Variants in EPB41L3 observed in about 807,000 individuals in gnomAD.
EPB41L3 encodes the protein band 4.1-like protein 3.
EPB41L3 carries 57 observed loss-of-function variants against 127.1 expected under a neutral mutation model. The ratio of observed to expected loss-of-function variants is 0.45; its 90% CI spans 0.36 to 0.56. The LOEUF is 0.56. EPB41L3 is among the 20% of genes least tolerant of loss of function. EPB41L3 has a pLI of 0.00. For synonymous variants in EPB41L3, 572 were observed against 549.5 expected (o/e 1.04, Z -0.57); for missense variants, 1,273 against 1,372.2 (o/e 0.93, Z 1.14).
intron 3 of EPB41L3, among the ~76,000 whole-genome samples, chr18:5,573,913 CTT>C (rs749608391): frequency 4.7e-4 from 67 of 141,424 alleles, no homozygotes; most frequent in African/African-American, 1.4e-3. Flanking sequence ...ATATATATAC[CTT>C]TTTTTTTTTT....
chr18:5,445,752 G>A (rs986281391), intron 3 of EPB41L3, among the ~76,000 whole-genome samples: 3 of 152,210 alleles, frequency 2.0e-5, no homozygotes, highest in Non-Finnish European at 4.4e-5. Flanking sequence ...GGTGGCAGGC[G>A]AGCAAGCATT....
chr18:5,416,092 G>C lies in EPB41L3; in HGVS notation c.1793C>G (p.Ser598Cys), dbSNP rs1308617532. ...FSLQLPESFP[S>C]LLDDDGYLSF... ...GAGGTATCCATCATCATCTAGGAGG[G>C]AGGGGAATGACTCAGGGAGCTGCAA... The change falls in exon 13 of 23, where the codon TCC (serine) becomes TGC (cysteine). Residue 598 changes from serine (S) to cysteine (C), a missense_variant. Around this residue, in one of 3 missense-constraint regions of EPB41L3, gnomAD observed 765 missense variants for 782.9 expected, o/e 0.98. Coordinates refer to ENST00000341928, the MANE Select transcript of EPB41L3 (RefSeq NM_012307.5). 6.2e-7 allele frequency: 1 copy of C among 1,612,492 alleles called. No homozygotes were observed. The highest frequency in any genetic ancestry group is 8.5e-7 in the Non-Finnish European group (1 of 1,178,994).
intron 1 of EPB41L3, among the ~76,000 whole-genome samples, chr18:5,523,613 C>G (rs1388584595): frequency 6.6e-6 from 1 of 151,960 alleles, no homozygotes; most frequent in Non-Finnish European, 1.5e-5. Flanking sequence ...TGGAGAAACC[C>G]CATCTCTACT....
intron 2 of EPB41L3, among the ~76,000 whole-genome samples, chr18:5,488,407 C>A (rs1465670252): frequency 6.6e-6 from 1 of 151,604 alleles, no homozygotes; most frequent in Non-Finnish European, 1.5e-5. Flanking sequence ...CACACTGGGG[C>A]CTGTCGGGGA....
chr18:5,395,820 A>AT (rs1469398800), intron 19 of EPB41L3, 113 bp from the exon 20 acceptor site: 5 of 785,288 alleles, frequency 6.4e-6, no homozygotes, highest in Admixed American at 4.1e-5. Flanking sequence ...TTATGCAATC[A>AT]TTATGCTCTT....
Position 5,393,399 on chromosome 18 carries a change from G to C in EPB41L3, c.*86C>G. The C allele has an allele frequency of 4.4e-6, 3 of 683,940 alleles. No individual in the cohort carries two copies. In the South Asian group the frequency reaches 4.7e-5, roughly 11 times the overall value. 42.4% of individuals were successfully genotyped at this position (683,940 alleles called of 1,614,324 possible). A position where few individuals can be genotyped will look rare whatever the true frequency, so the allele number is the denominator to read the frequency against. On this transcript the variant is annotated 3_prime_UTR_variant, in exon 23 of 23. Coordinates refer to ENST00000341928, the MANE Select transcript of EPB41L3 (RefSeq NM_012307.5). ...CCACGGACAGATACAAGTCAGTTGG[G>C]TTAGAAGAGGGAACTCCATATAGGC...
chr18:5,605,963 G>T (rs1298199578), intron 3 of EPB41L3, among the ~76,000 whole-genome samples: 2 of 152,148 alleles, frequency 1.3e-5, no homozygotes, highest in Non-Finnish European at 2.9e-5. Context: ...AATCACAGAT[G>T]CTTGAGGCTT....
intron 1 of EPB41L3, among the ~76,000 whole-genome samples, chr18:5,528,078 T>C (rs764409678): frequency 2.6e-5 from 4 of 152,188 alleles, no homozygotes; most frequent in African/African-American, 4.8e-5. Flanking sequence ...CGTATGGTTA[T>C]GAGAAACACA....
At chr18:5,472,859 T>C (rs947320550) in intron 3 of EPB41L3, among the ~76,000 whole-genome samples, 3 of 152,176 alleles carry the variant, frequency 2.0e-5, no homozygotes, top group Non-Finnish European at 4.4e-5. Context: ...TACTGACCAA[T>C]AGTTAGAAGG....
intron 3 of EPB41L3, among the ~76,000 whole-genome samples, chr18:5,476,632 A>C (rs63286760): frequency 0.63 from 96,089 of 151,462 alleles, 30,938 homozygotes; most frequent in East Asian, 0.8. Context: ...TAAATGCAAA[A>C]AATAGAAAGA....
chr18:5,591,419 T>C (rs2094484870), intron 3 of EPB41L3, among the ~76,000 whole-genome samples: 1 of 152,162 alleles, frequency 6.6e-6, no homozygotes, highest in South Asian at 2.1e-4. Flanking sequence ...CCACATACAG[T>C]GCAAGGGGTG....
chr18:5,400,578 T>A, intron 16 of EPB41L3: 1 of 459,176 alleles, frequency 2.2e-6, no homozygotes, highest in Non-Finnish European at 4.4e-6. Flanking sequence ...CTTCCTGCAT[T>A]TTCTTTATCA....
intron 1 of EPB41L3, among the ~76,000 whole-genome samples, chr18:5,538,199 A>G (rs1250279777): frequency 1.3e-5 from 2 of 152,228 alleles, no homozygotes; most frequent in Non-Finnish European, 2.9e-5. Context: ...TTACATATTC[A>G]GAATCCAACT....
At chr18:5,452,068 T>G in intron 3 of EPB41L3, among the ~76,000 whole-genome samples, 1 of 152,102 alleles carries the variant, frequency 6.6e-6, no homozygotes. Context: ...TCACTCGAAC[T>G]CCCTGACCTC....
chr18:5,573,992 C>G (rs1008317593), intron 3 of EPB41L3, among the ~76,000 whole-genome samples: 6 of 151,156 alleles, frequency 4.0e-5, no homozygotes, highest in Non-Finnish European at 7.4e-5. Flanking sequence ...CTCACTGCAA[C>G]CTCCACCTCC....
chr18:5,441,443 G>A (rs1027471183), intron 5 of EPB41L3, among the ~76,000 whole-genome samples: 1 of 150,742 alleles, frequency 6.6e-6, no homozygotes, highest in Admixed American at 6.7e-5. Context: ...AAGAATACAG[G>A]TAAAAATATC....
intron 14 of EPB41L3, among the ~76,000 whole-genome samples, chr18:5,408,013 G>A (rs1406428262): frequency 6.6e-6 from 1 of 152,222 alleles, no homozygotes; most frequent in Non-Finnish European, 1.5e-5. Flanking sequence ...CAGCAAGGGT[G>A]TGGCAGGTTG....
At chr18:5,459,098 C>A (rs1568269347) in intron 3 of EPB41L3, among the ~76,000 whole-genome samples, 1 of 152,132 alleles carries the variant, frequency 6.6e-6, no homozygotes, top group Non-Finnish European at 1.5e-5. Flanking sequence ...CCTCACCTCT[C>A]AGGAGAAGAT....
chr18:5,606,890 CTCTCT>C, intron 3 of EPB41L3, among the ~76,000 whole-genome samples: 1 of 147,120 alleles, frequency 6.8e-6, no homozygotes, highest in Non-Finnish European at 1.5e-5. Flanking sequence ...CATTCTCTCT[CTCTCT>C]CTCTCTCTCT....
Sources: gnomAD v4.1 joint callset for allele counts (sites outside exome capture counted in the v4.1 genomes callset) on GRCh38, gnomAD v4.1.1 for gene constraint, gnomAD v4.1.1 regional missense constraint, MANE v1.5 for transcripts, NCBI Gene and HGNC (gene_info 2026-07-23, HGNC 2026-07-21) for gene names.